The following GLIS3 variants were observed in gnomAD, a reference collection of about 807,000 sequenced individuals.
The protein encoded by GLIS3 is zinc finger protein GLIS3.
A neutral mutation model predicts 78.6 loss-of-function variants in GLIS3; 53 were observed. The ratio of observed to expected loss-of-function variants is 0.67; its 90% CI spans 0.54 to 0.85. GLIS3 has a LOEUF of 0.85. GLIS3 is among the 40% of genes least tolerant of loss of function. GLIS3 has a pLI of 0.00. For synonymous variants in GLIS3, 684 were observed against 509.9 expected, an observed-to-expected ratio of 1.34 and a Z score of -4.60; for missense variants, 1,703 against 1,231.1, an observed-to-expected ratio of 1.38 and a Z score of -5.74.
At position 4,286,513 on chromosome 9, in the gene GLIS3, G is replaced by C; in HGVS notation, c.-88C>G. The C allele has an allele frequency of 6.7e-7, 1 of 1,487,432 alleles. No homozygotes were observed. Among genetic ancestry groups the C allele is most frequent in the Non-Finnish European group, 9.3e-7 (1 of 1,077,602 alleles). The allele number at this position is 1,487,432 out of a possible 1,614,324, so 92.1% of individuals were successfully genotyped here. On this transcript the variant is annotated 5_prime_UTR_variant, in exon 2 of 11. Coordinates refer to ENST00000381971, the MANE Select transcript of GLIS3 (RefSeq NM_001042413.2). ...AAGTCCAATAAGTTATCCATGGTGT[G>C]GGTTATAAGCCTGTTTAAAAAAATA...
At chr9:3,953,281 G>A (rs796228622) in intron 4 of GLIS3, among the ~76,000 whole-genome samples, 3 of 152,148 alleles carry the variant, frequency 2.0e-5, no homozygotes, top group African/African-American at 7.2e-5. Flanking sequence ...TTGTTTTGTT[G>A]GTTTTTTGAG....
chr9:4,378,090 A>T, the GLIS3 span, among the ~76,000 whole-genome samples: 2 of 152,168 alleles, frequency 1.3e-5, no homozygotes, highest in South Asian at 4.1e-4. Flanking sequence ...TGAACATGAG[A>T]AGACTTTGGA....
intron 4 of GLIS3, among the ~76,000 whole-genome samples, chr9:4,115,541 C>A (rs1198231524): frequency 6.6e-6 from 1 of 151,972 alleles, no homozygotes; most frequent in Non-Finnish European, 1.5e-5. Context: ...ACTTTAAAAA[C>A]CAGGTATTCT....
At chr9:4,196,637 G>A (rs1420747749) in intron 2 of GLIS3, among the ~76,000 whole-genome samples, 1 of 152,130 alleles carries the variant, frequency 6.6e-6, no homozygotes, top group Non-Finnish European at 1.5e-5. Context: ...CCTGAAGCCA[G>A]TGAGACCACA....
At chr9:4,388,201 C>T in the GLIS3 span, among the ~76,000 whole-genome samples, 1 of 152,110 alleles carries the variant, frequency 6.6e-6, no homozygotes, top group Non-Finnish European at 1.5e-5. Context: ...ATAACAGACC[C>T]CTTTTCCACT....
At chr9:4,055,160 C>A (rs1254441257) in intron 4 of GLIS3, among the ~76,000 whole-genome samples, 1 of 152,180 alleles carries the variant, frequency 6.6e-6, no homozygotes, top group Admixed American at 6.5e-5. Flanking sequence ...AACAGTGCAA[C>A]TGGGGCTCCT....
chr9:4,106,693 G>A (rs1830779813), intron 4 of GLIS3, among the ~76,000 whole-genome samples: 1 of 152,162 alleles, frequency 6.6e-6, no homozygotes, highest in African/African-American at 2.4e-5. Context: ...GCTACTTTAT[G>A]AACAGATGGG....
rs867217875 is a variant in GLIS3, at chr9:4,018,775, C to T, written c.1711-81586G>A. On this transcript the variant is annotated intron_variant, in intron 4 of 10. Coordinates refer to ENST00000381971, the MANE Select transcript of GLIS3 (RefSeq NM_001042413.2). ...GAAAGTTTCCCCAGTGATTCTGATC[C>T]ATGCCCCTTGGGAATCACTGCAATG... is the stretch of plus-strand genomic sequence containing the variant. Among the ~76,000 whole-genome samples the T allele has an allele frequency of 9.5e-4, 144 of 152,284 alleles. 1 individual carries two copies. The highest frequency in any genetic ancestry group is 3.3e-3 in the African/African-American group (137 of 41,546).
chr9:4,007,170 G>A (rs911083736), intron 4 of GLIS3, among the ~76,000 whole-genome samples: 7 of 152,164 alleles, frequency 4.6e-5, no homozygotes, highest in Admixed American at 4.6e-4. Flanking sequence ...GGGTCACAGT[G>A]CTTGGTTCAG....
chr9:4,345,892 T>G (rs766828942), intron 2 of GLIS3, among the ~76,000 whole-genome samples: 1 of 152,166 alleles, frequency 6.6e-6, no homozygotes, highest in Non-Finnish European at 1.5e-5. Context: ...AGAGCACAAT[T>G]TGACTGCAAA....
At chr9:4,116,878 G>A (rs1831685639) in intron 4 of GLIS3, among the ~76,000 whole-genome samples, 1 of 152,166 alleles carries the variant, frequency 6.6e-6, no homozygotes, top group South Asian at 2.1e-4. Context: ...ATACTTAAGT[G>A]AGCTGTCTGA....
intron 4 of GLIS3, among the ~76,000 whole-genome samples, chr9:4,044,469 G>A (rs551724554): frequency 2.0e-5 from 3 of 152,088 alleles, no homozygotes; most frequent in African/African-American, 7.2e-5. Context: ...TTAATTTTCT[G>A]TTCCTGCTAC....
At chr9:4,385,676 A>G in the GLIS3 span, among the ~76,000 whole-genome samples, 3 of 145,882 alleles carry the variant, frequency 2.1e-5, no homozygotes, top group Non-Finnish European at 3.0e-5. Context: ...AAAAAAAAAA[A>G]AAAAAAGAAA....
chr9:3,874,711 T>C (rs571096296), intron 8 of GLIS3, among the ~76,000 whole-genome samples: 5 of 152,220 alleles, frequency 3.3e-5, no homozygotes, highest in Non-Finnish European at 7.3e-5. Flanking sequence ...ATTGACTGCA[T>C]GCTTAGTGGG....
chr9:4,313,307 T>C (rs531774303), intron 2 of GLIS3, among the ~76,000 whole-genome samples: 2 of 152,314 alleles, frequency 1.3e-5, no homozygotes, highest in South Asian at 4.2e-4. Context: ...TTTGAGCAGC[T>C]GTCTTCTTTC....
At chr9:4,213,010 G>A (rs926380784) in intron 2 of GLIS3, among the ~76,000 whole-genome samples, 1 of 152,162 alleles carries the variant, frequency 6.6e-6, no homozygotes, top group African/African-American at 2.4e-5. Flanking sequence ...GTTGGAGATT[G>A]TGACCTGGGC....
intron 4 of GLIS3, among the ~76,000 whole-genome samples, chr9:4,050,114 T>G (rs560581372): frequency 0.038 from 5,708 of 152,072 alleles, 353 homozygotes; most frequent in African/African-American, 0.13. Flanking sequence ...AACCAAAGGT[T>G]TATAAATCAT....
At chr9:4,099,897 T>A (rs554046938) in intron 4 of GLIS3, among the ~76,000 whole-genome samples, 1 of 152,340 alleles carries the variant, frequency 6.6e-6, no homozygotes, top group Admixed American at 6.5e-5. Context: ...AAGATTTACA[T>A]CATAACATAA....
chr9:4,319,053 TC>T (rs948223866), intron 2 of GLIS3, among the ~76,000 whole-genome samples: 11 of 152,180 alleles, frequency 7.2e-5, no homozygotes, highest in Non-Finnish European at 1.5e-4. Context: ...CCTGTACTCT[TC>T]AAAAATGTCA....
Sources: allele counts gnomAD v4.1 joint callset (sites outside exome capture counted in the v4.1 genomes callset), GRCh38; gene constraint gnomAD v4.1.1; transcripts MANE v1.5; gene names NCBI Gene and HGNC (gene_info 2026-07-23, HGNC 2026-07-21).